Variants in C20orf96 observed in about 807,000 individuals in gnomAD.
C20orf96 encodes the protein uncharacterized protein C20orf96.
Under a neutral mutation model 52.6 loss-of-function variants are expected in C20orf96, and 57 were observed. The ratio of observed to expected loss-of-function variants is 1.08; its 90% CI spans 0.88 to 1.35. C20orf96 has a LOEUF of 1.35. C20orf96 is among the 40% of genes most tolerant of loss of function. C20orf96 has a pLI of 0.00. For missense variants in C20orf96, 478 were observed against 443.6 expected (o/e 1.08, Z -0.70); for synonymous variants, 168 against 157.2 (o/e 1.07, Z -0.51).
intron 3 of C20orf96, among the ~76,000 whole-genome samples, chr20:285,888 T>G (rs892201684): frequency 6.6e-6 from 1 of 152,170 alleles, no homozygotes; most frequent in African/African-American, 2.4e-5. Flanking sequence ...TACCCATATT[T>G]AGAAGTTTAA....
intron 10 of C20orf96, among the ~76,000 whole-genome samples, chr20:273,132 G>A (rs958874577): frequency 3.3e-5 from 5 of 151,976 alleles, no homozygotes; most frequent in African/African-American, 9.7e-5. Context: ...ACGCCACCAC[G>A]CCTGGCTAAC....
Position 274,050 on chromosome 20 carries a change from GAAAAGAAAAGAA to G in C20orf96, c.1031+1906_1031+1917del, listed in dbSNP as rs565732593. On this transcript the variant is annotated intron_variant, in intron 10 of 10. Transcript: ENST00000360321. ...GGAAGGAATGAAGGAAGGAAAGAAA[GAAAAGAAAAGAA>G]AAAAGAAATGTAGATTCATGAGCCC... Among the ~76,000 whole-genome samples, 31 of 147,252 alleles carry G rather than the reference GAAAAGAAAAGAA, an allele frequency of 2.1e-4. No individual in the cohort carries two copies. In the East Asian group the frequency reaches 4.6e-3, roughly 22 times the overall value.
At chr20:283,462 C>A (rs1351461222) in intron 4 of C20orf96, among the ~76,000 whole-genome samples, 1 of 152,084 alleles carries the variant, frequency 6.6e-6, no homozygotes, top group Non-Finnish European at 1.5e-5. Context: ...TGCTACCACA[C>A]CCAGCTAATT....
At chr20:287,908 CAAAAAAAAAAA>C (rs71327437) in intron 3 of C20orf96, among the ~76,000 whole-genome samples, 1 of 63,088 alleles carries the variant, frequency 1.6e-5, no homozygotes, top group Admixed American at 2.2e-4. Flanking sequence ...GACTCCTTCT[CAAAAAAAAAAA>C]AAAAAAAAAA....
Position 279,324 on chromosome 20 carries a change from G to C in C20orf96, c.313C>G (p.Leu105Val), listed in dbSNP as rs1453249841. 1.2e-6 allele frequency: 2 copies of C among 1,604,526 alleles called. No individual in the cohort carries two copies. The highest frequency in any genetic ancestry group is 1.7e-6 in the Non-Finnish European group (2 of 1,178,906). Residue 105 changes from leucine (L) to valine (V), a missense_variant, in exon 5 of 11, where the codon CTC becomes GTC. Transcript: ENST00000360321. Reference protein sequence around the residue: ...HAKIWLMKTSLRSGRAALREL... With the variant: ...HAKIWLMKTSVRSGRAALREL... ...CGCAGAGCGGCCCTCCCGCTCCTGA[G>C]CGAGGTCTGCGGGCGGAGGGAAGAG...
chr20:282,273 T>C (rs2012272780), intron 4 of C20orf96, among the ~76,000 whole-genome samples: 1 of 152,190 alleles, frequency 6.6e-6, no homozygotes, highest in Non-Finnish European at 1.5e-5. Context: ...CTTAGGCTTC[T>C]CTTTAGCTCT....
rs2012316248 is a variant in C20orf96, at chr20:283,970, A to T, written c.299T>A (p.Leu100Ter). ...GGAAGATGTGCCTCATACCTTCATTAACCAGATTTTGGCATGCATCTTCCC... is the reference window on the plus strand; with the variant it reads ...GGAAGATGTGCCTCATACCTTCATTTACCAGATTTTGGCATGCATCTTCCC... Reference protein sequence around the residue: ...DPGKMHAKIWLMKTSLRSGRA... With the variant: ...DPGKMHAKIW The change falls in exon 4 of 11, where the codon TTA becomes TAA. Residue 100 changes from leucine to a stop codon, truncating the protein, a stop_gained. Transcript: ENST00000360321. LOFTEE classifies it high-confidence loss of function. The T allele has an allele frequency of 6.2e-7, 1 of 1,611,392 alleles. No homozygotes were observed. Among genetic ancestry groups the T allele is most frequent in the Non-Finnish European group, 8.5e-7 (1 of 1,177,538 alleles).
Position 276,780 on chromosome 20 carries a change from C to T in C20orf96, c.912+13G>A, listed in dbSNP as rs1371644679. On this transcript the variant is annotated intron_variant, in intron 9 of 10. Coordinates refer to ENST00000360321, the MANE Select transcript of C20orf96 (RefSeq NM_153269.3). ...CTTCCCTACAGGGACCACCACCTTC[C>T]TTGCCCACGCACTTCTCTGAACCTT... The T allele has an allele frequency of 6.2e-7, 1 of 1,610,208 alleles. No individual in the cohort carries two copies. The highest frequency in any genetic ancestry group is 1.7e-5 in the Admixed American group (1 of 59,746).
chr20:286,105 G>A (rs948468736), intron 3 of C20orf96, among the ~76,000 whole-genome samples: 1 of 152,186 alleles, frequency 6.6e-6, no homozygotes, highest in Non-Finnish European at 1.5e-5. Flanking sequence ...GCTTAAGGAA[G>A]ATTTGCAGTT....
At chr20:273,230 C>T (rs1439585820) in intron 10 of C20orf96, among the ~76,000 whole-genome samples, 1 of 152,222 alleles carries the variant, frequency 6.6e-6, no homozygotes, top group South Asian at 2.1e-4. Flanking sequence ...CCACCTTGGC[C>T]TCCCAAAACG....
At position 287,372 on chromosome 20, in the gene C20orf96, G is replaced by A. The variant is rs184654265; in HGVS notation, c.187+2187C>T. 7.9e-3 allele frequency among the ~76,000 whole-genome samples: 1,211 copies of A among 152,328 alleles called. 12 individuals are homozygous for A. The highest frequency in any genetic ancestry group is 0.015 in the Non-Finnish European group (995 of 68,042). On this transcript the variant is annotated intron_variant, in intron 3 of 10. Transcript: ENST00000360321. ...TTTTAGCCATTTCGATAGGTGTGCA[G>A]TGATATCTCACTGTGGCTTAATTTG...
intron 4 of C20orf96, among the ~76,000 whole-genome samples, chr20:280,083 G>A (rs73891907): frequency 6.6e-5 from 10 of 152,002 alleles, no homozygotes; most frequent in East Asian, 5.8e-4. Flanking sequence ...CAGCATTTCC[G>A]GGCAGGCCGC....
intron 4 of C20orf96, among the ~76,000 whole-genome samples, chr20:280,572 G>C (rs1002011952): frequency 4.6e-5 from 7 of 152,248 alleles, no homozygotes; most frequent in Non-Finnish European, 7.3e-5. Flanking sequence ...GTGTCACACA[G>C]TCAAGAAGTG....
At chr20:284,632 G>A (rs893184380) in intron 3 of C20orf96, among the ~76,000 whole-genome samples, 5 of 152,258 alleles carry the variant, frequency 3.3e-5, no homozygotes, top group Non-Finnish European at 4.4e-5. Context: ...AAGGCGGGCG[G>A]ATCACCTGTG....
chr20:275,576 G>A (rs2011991781), intron 10 of C20orf96, among the ~76,000 whole-genome samples: 1 of 152,164 alleles, frequency 6.6e-6, no homozygotes, highest in Admixed American at 6.5e-5. Context: ...CCTGCCAAGT[G>A]AACAGGACAG....
intron 10 of C20orf96, among the ~76,000 whole-genome samples, chr20:274,029 GGAAT>G (rs2011937156): frequency 6.7e-6 from 1 of 150,020 alleles, no homozygotes; most frequent in African/African-American, 2.5e-5. Context: ...GAGAAAGGAA[GGAAT>G]GAAGGAAGGA....
intron 10 of C20orf96, among the ~76,000 whole-genome samples, chr20:274,241 G>A (rs962263853): frequency 2.0e-5 from 3 of 152,032 alleles, no homozygotes; most frequent in Non-Finnish European, 2.9e-5. Flanking sequence ...TCCCTTCCAC[G>A]TGGAAGGGCA....
At chr20:278,230 G>T in intron 6 of C20orf96, 100 bp downstream of exon 6, 2 of 871,454 alleles carry the variant, frequency 2.3e-6, no homozygotes, top group South Asian at 2.7e-5. Flanking sequence ...AGCCAATGGG[G>T]CTGAGGGTTT....
chr20:276,418 G>A lies in C20orf96; in HGVS notation c.913-332C>T, dbSNP rs2012025533. ...ACATTAAAAACCAGTGAAGAGGCAA[G>A]ATAATGAAAATTAATTCAAGAAGGC... On this transcript the variant is annotated intron_variant, in intron 9 of 10. Coordinates refer to ENST00000360321, the MANE Select transcript of C20orf96 (RefSeq NM_153269.3). The A allele has an allele frequency of 5.1e-6, 5 of 985,316 alleles. No homozygotes were observed. The South Asian group carries it at 1.9e-4, about 37-fold the overall frequency. 61.0% of individuals were successfully genotyped at this position (985,316 alleles called of 1,614,324 possible).
Sources: gnomAD v4.1 joint callset for allele counts (sites outside exome capture counted in the v4.1 genomes callset) on GRCh38, gnomAD v4.1.1 for gene constraint, MANE v1.5 for transcripts, NCBI Gene and HGNC (gene_info 2026-07-23, HGNC 2026-07-21) for gene names.